Variants in MGAT5 observed in about 807,000 individuals in gnomAD.
The protein encoded by MGAT5 is alpha-1,6-mannosylglycoprotein 6-beta-N-acetylglucosaminyltransferase.
Under a neutral mutation model 94.3 loss-of-function variants are expected in MGAT5, and 30 were observed. The ratio of observed to expected loss-of-function variants is 0.32; its 90% CI spans 0.24 to 0.43. MGAT5 has a LOEUF of 0.43. Ranked by LOEUF, MGAT5 falls within the 20% of genes least tolerant of loss-of-function variation. The pLI, the probability that MGAT5 is intolerant of heterozygous loss-of-function variation, is 1.00. For missense variants in MGAT5, 691 were observed against 905.5 expected, an observed-to-expected ratio of 0.76 and a Z score of 3.04; for synonymous variants, 310 against 322.9, an observed-to-expected ratio of 0.96 and a Z score of 0.43.
chr2:134,122,296 G>A (rs1040686970), intron 1 of MGAT5, among the ~76,000 whole-genome samples: 1 of 152,134 alleles, frequency 6.6e-6, no homozygotes, highest in Non-Finnish European at 1.5e-5. Flanking sequence ...TAGAGACGAG[G>A]TTTCACCATA....
At chr2:134,303,677 T>C (rs6430505) in intron 2 of MGAT5, among the ~76,000 whole-genome samples, 112,609 of 152,036 alleles carry the variant, frequency 0.74, 44,322 homozygotes, top group Non-Finnish European at 0.87. Flanking sequence ...TGAACTTTTA[T>C]TGGAGCCTCC....
At chr2:134,308,564 GAAT>G (rs1686469337) in intron 2 of MGAT5, among the ~76,000 whole-genome samples, 1 of 152,178 alleles carries the variant, frequency 6.6e-6, no homozygotes, top group African/African-American at 2.4e-5. Flanking sequence ...CCCTCAAGGT[GAAT>G]AATGTTTTGT....
intron 10 of MGAT5, among the ~76,000 whole-genome samples, chr2:134,393,559 G>C (rs1196767744): frequency 6.6e-6 from 1 of 152,154 alleles, no homozygotes; most frequent in East Asian, 1.9e-4. Flanking sequence ...AGACAATGAA[G>C]TCAAGAGCTG....
At chr2:134,166,029 C>G (rs527474161) in intron 1 of MGAT5, among the ~76,000 whole-genome samples, 1 of 152,190 alleles carries the variant, frequency 6.6e-6, no homozygotes, top group African/African-American at 2.4e-5. Context: ...CAGGTTCTCA[C>G]TATAGGCATT....
intron 10 of MGAT5, among the ~76,000 whole-genome samples, chr2:134,375,393 A>G (rs1558836446): frequency 1.3e-5 from 2 of 152,204 alleles, no homozygotes; most frequent in South Asian, 2.1e-4. Flanking sequence ...TTGGTGTGGT[A>G]CTGATTTCAA....
At chr2:134,434,478 C>G (rs1685061554) in intron 14 of MGAT5, among the ~76,000 whole-genome samples, 1 of 152,174 alleles carries the variant, frequency 6.6e-6, no homozygotes, top group African/African-American at 2.4e-5. Flanking sequence ...GCTTGTTAAC[C>G]AGATTGGAAA....
intron 2 of MGAT5, among the ~76,000 whole-genome samples, chr2:134,307,210 G>C (rs1415439806): frequency 6.6e-6 from 1 of 151,998 alleles, no homozygotes; most frequent in Non-Finnish European, 1.5e-5. Flanking sequence ...TCAAAGAAGG[G>C]GGCTTGAGCA....
intron 2 of MGAT5, among the ~76,000 whole-genome samples, chr2:134,281,040 C>T (rs1471384460): frequency 1.3e-5 from 2 of 152,200 alleles, no homozygotes; most frequent in Non-Finnish European, 2.9e-5. Context: ...TGGCATCAGA[C>T]ATTTTTGAGC....
chr2:134,213,965 G>A (rs1418424248), intron 1 of MGAT5, among the ~76,000 whole-genome samples: 1 of 152,080 alleles, frequency 6.6e-6, no homozygotes, highest in African/African-American at 2.4e-5. Context: ...AGAGATTTTA[G>A]GGGTGGGACT....
intron 10 of MGAT5, among the ~76,000 whole-genome samples, chr2:134,390,111 A>T (rs1682310049): frequency 6.6e-6 from 1 of 152,212 alleles, no homozygotes; most frequent in Non-Finnish European, 1.5e-5. Flanking sequence ...ACCTCTCAAT[A>T]TATGGATACT....
chr2:134,249,416 T>C (rs1380530223), upstream of MGAT5, among the ~76,000 whole-genome samples: 1 of 152,118 alleles, frequency 6.6e-6, no homozygotes, highest in East Asian at 1.9e-4. Flanking sequence ...TCCTCCATTC[T>C]CCATACCCCA....
At chr2:134,234,540 G>T (rs560487882) in intron 1 of MGAT5, among the ~76,000 whole-genome samples, 14 of 152,374 alleles carry the variant, frequency 9.2e-5, no homozygotes, top group Admixed American at 2.0e-4. Context: ...GGACAAGTTT[G>T]TTCACCCTAC....
chr2:134,377,381 T>C (rs1681251361), intron 10 of MGAT5, among the ~76,000 whole-genome samples: 1 of 152,170 alleles, frequency 6.6e-6, no homozygotes, highest in African/African-American at 2.4e-5. Flanking sequence ...AATAGAAGCT[T>C]CTCCTAAAGC....
At chr2:134,125,055 G>A (rs1200170096) in intron 1 of MGAT5, among the ~76,000 whole-genome samples, 1 of 151,926 alleles carries the variant, frequency 6.6e-6, no homozygotes, top group Non-Finnish European at 1.5e-5. Context: ...TCATGGGAGT[G>A]TGTTATGTTG....
intron 10 of MGAT5, among the ~76,000 whole-genome samples, chr2:134,366,853 C>T (rs1238947184): frequency 6.6e-6 from 1 of 152,204 alleles, no homozygotes; most frequent in African/African-American, 2.4e-5. Context: ...CTCCTCTTTT[C>T]TATTTATCTT....
chr2:134,394,555 G>GT (rs1046988152), intron 10 of MGAT5, among the ~76,000 whole-genome samples: 1 of 152,060 alleles, frequency 6.6e-6, no homozygotes, highest in Non-Finnish European at 1.5e-5. Flanking sequence ...CCCCCTTCTT[G>GT]TTACCAAGAA....
intron 1 of MGAT5, among the ~76,000 whole-genome samples, chr2:134,259,302 A>G (rs941766520): frequency 6.6e-6 from 1 of 152,178 alleles, no homozygotes; most frequent in African/African-American, 2.4e-5. Flanking sequence ...GAATTGTGTC[A>G]TGGATGGTGC....
chr2:134,317,649 C>T, intron 3 of MGAT5, 44 bp downstream of exon 3: 1 of 1,289,204 alleles, frequency 7.8e-7, no homozygotes, highest in Non-Finnish European at 1.1e-6. Flanking sequence ...ACAAACACCC[C>T]TTCTTTTTCC....
At chr2:134,378,482 G>A (rs867914624) in intron 10 of MGAT5, among the ~76,000 whole-genome samples, 5 of 152,142 alleles carry the variant, frequency 3.3e-5, no homozygotes, top group African/African-American at 4.8e-5. Flanking sequence ...GAGACAGACC[G>A]GAATTTGTTT....
Sources: gnomAD v4.1 joint callset for allele counts (sites outside exome capture counted in the v4.1 genomes callset) on GRCh38, gnomAD v4.1.1 for gene constraint, MANE v1.5 for transcripts, NCBI Gene and HGNC (gene_info 2026-07-23, HGNC 2026-07-21) for gene names.